The following PGF variants were observed in gnomAD, a reference collection of about 807,000 sequenced individuals.
The protein encoded by PGF is placenta growth factor.
In PGF, 11 loss-of-function variants were observed where a neutral mutation model predicts 25.3. That is an observed-to-expected ratio of 0.43 (90% CI 0.27 to 0.72). The LOEUF is 0.72. Ranked by LOEUF, PGF falls within the 30% of genes least tolerant of loss-of-function variation. The pLI, the probability that PGF is intolerant of heterozygous loss-of-function variation, is 0.18. For synonymous variants in PGF, 105 were observed against 97.9 expected, an observed-to-expected ratio of 1.07 and a Z score of -0.43; for missense variants, 230 against 234.9, an observed-to-expected ratio of 0.98 and a Z score of 0.14.
chr14:74,955,744 G>GCC (rs1888978882), upstream of PGF: 1 of 152,012 alleles, frequency 6.6e-6, no homozygotes, highest in South Asian at 2.0e-4. The surrounding 1 kb of genome is among the most constrained non-coding windows in gnomAD (Gnocchi z 4.1). Context: ...CGCAGCGCCG[G>GCC]AGCCCGCAGT....
At position 74,942,635 on chromosome 14, in the gene PGF, G is replaced by C; in HGVS notation, c.*71C>G. On this transcript the variant is annotated 3_prime_UTR_variant, in exon 7 of 7. Transcript: ENST00000555567. ...ATAAATAGAGGGCAGGTACCAGCAG[G>C]AGTCACTGAAGAGTGTGACGGTAAT... is the stretch of plus-strand genomic sequence containing the variant. 2.9e-6 allele frequency: 4 copies of C among 1,397,368 alleles called. No homozygotes were observed. Among genetic ancestry groups the C allele is most frequent in the Non-Finnish European group, 4.0e-6 (4 of 991,804 alleles). 86.6% of individuals were successfully genotyped at this position (1,397,368 alleles called of 1,614,324 possible).
chr14:74,949,822 C>T (rs1888832819), intron 2 of PGF, among the ~76,000 whole-genome samples: 1 of 152,204 alleles, frequency 6.6e-6, no homozygotes, highest in African/African-American at 2.4e-5. Flanking sequence ...GCCTTGGCTC[C>T]CTGGAGCTTT....
rs781687506 is a variant in PGF at position 74,948,606 on chromosome 14, C to T, written c.316-23G>A. 4 of 1,555,356 alleles carry T rather than the reference C, an allele frequency of 2.6e-6. No homozygotes were observed. In the East Asian group the frequency reaches 9.2e-5, roughly 36 times the overall value. On this transcript the variant is annotated intron_variant, in intron 3 of 6. Coordinates refer to ENST00000555567, the MANE Select transcript of PGF (RefSeq NM_002632.6). The stretch of plus-strand genomic sequence containing the variant: ...GAGCTGAAGGAAGAAAGAGTTGATG[C>T]CTGGATTGGGGAGTGGCCCACGAGT...
rs758970780 is a variant in PGF, at chr14:74,943,711, A to G, written c.486-978T>C. On this transcript the variant is annotated intron_variant, in intron 6 of 6. Transcript: ENST00000555567. Reference sequence around the variant, plus strand: ...ATTCATTCACTAATTGAAACGAGGTAGCCACATCCATCTCATTGAGATGCA... The same window carrying G: ...ATTCATTCACTAATTGAAACGAGGTGGCCACATCCATCTCATTGAGATGCA... Among the ~76,000 whole-genome samples, 19 of 152,396 alleles carry G rather than the reference A, an allele frequency of 1.2e-4. 1 individual carries two copies. The highest frequency in any genetic ancestry group is 6.5e-4 in the Admixed American group (10 of 15,306).
intron 6 of PGF, among the ~76,000 whole-genome samples, chr14:74,943,356 G>A (rs549733237): frequency 6.6e-6 from 1 of 152,288 alleles, no homozygotes; most frequent in South Asian, 2.1e-4. Context: ...ATGAAAAAAA[G>A]AACAATTTGA....
chr14:74,948,417 C>A lies in PGF; in HGVS notation c.392+90G>T, dbSNP rs1888791074. On this transcript the variant is annotated intron_variant, in intron 4 of 6. Coordinates refer to ENST00000555567, the MANE Select transcript of PGF (RefSeq NM_002632.6). ...TTCAGCCCGCAGCGGGGATGGGCAG[C>A]CTTTGCCTCTGCCCTGGGACCCATC... The A allele has an allele frequency of 4.1e-6, 3 of 724,826 alleles. No homozygotes were observed. In the East Asian group the frequency reaches 8.6e-5, roughly 21 times the overall value. 44.9% of individuals were successfully genotyped at this position (724,826 alleles called of 1,614,324 possible).
chr14:74,948,408 G>A (rs1888790824), intron 4 of PGF, 99 bp downstream of exon 4: 1 of 658,186 alleles, frequency 1.5e-6, no homozygotes, highest in African/African-American at 1.8e-5. Flanking sequence ...CCGCAGCGGG[G>A]ATGGGCAGCC....
rs2140403038 is a variant in PGF at position 74,946,228 on chromosome 14, G to C, written c.470C>G (p.Pro157Arg). Reference sequence around the variant, plus strand: ...GCACACTCACAGGTGGCAGTCTGTGGGTCTCTGCTTCTCTCTCCTCCTCTT... The same window carrying C: ...GCACACTCACAGGTGGCAGTCTGTGCGTCTCTGCTTCTCTCTCCTCCTCTT... ...RGKRRREKQR[P>R]TDCHLCGDAV... The change falls in exon 6 of 7, where the codon CCC becomes CGC. Residue 157 changes from proline to arginine, a missense_variant. Transcript: ENST00000555567. 1 of 1,614,006 alleles carries C rather than the reference G, an allele frequency of 6.2e-7. No homozygotes were observed. The highest frequency in any genetic ancestry group is 8.5e-7 in the Non-Finnish European group (1 of 1,179,934).
intron 1 of PGF, 97 bp from the exon 2 acceptor site, chr14:74,954,043 T>A: frequency 8.5e-7 from 1 of 1,174,076 alleles, no homozygotes; most frequent in Non-Finnish European, 1.3e-6. Flanking sequence ...CCCCTCTGGG[T>A]TCCTTCCCAC....
rs992686230 is a variant in PGF at position 74,942,043 on chromosome 14, C to T, written c.*663G>A. 1 of 152,730 alleles carries T rather than the reference C, an allele frequency of 6.5e-6. No individual in the cohort carries two copies. Among genetic ancestry groups the T allele is most frequent in the African/African-American group, 2.4e-5 (1 of 41,454 alleles). The allele number at this position is 152,730 out of a possible 1,614,324, so 9.5% of individuals were successfully genotyped here. ...GCAGCTCTTTCTCCAGCCCGGGGCCCACTCTGTATGTGTCTCTTAGGGGGG... is the reference window on the plus strand; with the variant it reads ...GCAGCTCTTTCTCCAGCCCGGGGCCTACTCTGTATGTGTCTCTTAGGGGGG... On this transcript the variant is annotated 3_prime_UTR_variant, in exon 7 of 7. Transcript: ENST00000555567.
At chr14:74,947,280 T>C (rs1194034953) in intron 4 of PGF, 1 of 215,134 alleles carries the variant, frequency 4.6e-6, no homozygotes, top group African/African-American at 2.3e-5. Context: ...CCACCCAGCA[T>C]TGCACCCAGG....
chr14:74,946,105 G>T, intron 6 of PGF, 108 bp downstream of exon 6: 1 of 926,700 alleles, frequency 1.1e-6, no homozygotes, highest in Non-Finnish European at 1.7e-6. Flanking sequence ...CTGCCCCCAA[G>T]ACTGGCCTCA....
At chr14:74,954,239 T>G (rs553177129) in intron 1 of PGF, 26 of 446,504 alleles carry the variant, frequency 5.8e-5, no homozygotes, top group Non-Finnish European at 2.9e-5. Context: ...ATCCTGCGGG[T>G]CTGCCTTCTA....
chr14:74,954,623 C>T (rs1024144998), intron 1 of PGF, among the ~76,000 whole-genome samples: 2 of 152,116 alleles, frequency 1.3e-5, no homozygotes, highest in Non-Finnish European at 2.9e-5. Flanking sequence ...CCAGGCCCTG[C>T]ACTCAGGACC....
chr14:74,952,675 G>T (rs1201073874), intron 2 of PGF, among the ~76,000 whole-genome samples: 1 of 152,172 alleles, frequency 6.6e-6, no homozygotes, highest in Non-Finnish European at 1.5e-5. Context: ...ACTTCTCCCG[G>T]TCAGATTGCA....
At chr14:74,945,083 A>G (rs1347313463) in intron 6 of PGF, 2 of 151,954 alleles carry the variant, frequency 1.3e-5, no homozygotes, top group African/African-American at 2.4e-5. Context: ...CAACACGCCC[A>G]GCTAATTTTG....
Position 74,953,816 on chromosome 14 carries a change from G to A in PGF, c.118+88C>T. The A allele has an allele frequency of 1.1e-5, 14 of 1,325,750 alleles. No homozygotes were observed. Among genetic ancestry groups the A allele is most frequent in the Non-Finnish European group, 1.5e-5 (14 of 916,984 alleles). The allele number at this position is 1,325,750 out of a possible 1,614,324, so 82.1% of individuals were successfully genotyped here. On this transcript the variant is annotated intron_variant, in intron 2 of 6. Coordinates refer to ENST00000555567, the MANE Select transcript of PGF (RefSeq NM_002632.6). The surrounding 1 kb of genome is among the most constrained non-coding windows in gnomAD (Gnocchi z 5.4). ...GGCTCTCCCCAGCTTTTATCAACCTGCACCCACGCTTCATGCCACACCTGG... is the reference window on the plus strand; with the variant it reads ...GGCTCTCCCCAGCTTTTATCAACCTACACCCACGCTTCATGCCACACCTGG...
intron 2 of PGF, among the ~76,000 whole-genome samples, chr14:74,951,301 G>C (rs1487746498): frequency 1.3e-5 from 2 of 152,164 alleles, no homozygotes; most frequent in Non-Finnish European, 2.9e-5. Context: ...AACCCAGTGG[G>C]AAACAAGGCC....
chr14:74,955,301 G>A lies in PGF; in HGVS notation c.-59C>T. 4.5e-6 allele frequency: 5 copies of A among 1,111,322 alleles called. No homozygotes were observed. The highest frequency in any genetic ancestry group is 2.4e-6 in the Non-Finnish European group (2 of 820,282). The allele number at this position is 1,111,322 out of a possible 1,614,324, so 68.8% of individuals were successfully genotyped here. On this transcript the variant is annotated 5_prime_UTR_variant, in exon 1 of 7. Transcript: ENST00000555567. The surrounding 1 kb of genome is among the most constrained non-coding windows in gnomAD (Gnocchi z 4.1). ...GGAAAACCACCATGCTCATCCCCCGGGGAGCCCCTGGCACAGGAGGAGAAG... is the reference window on the plus strand; with the variant it reads ...GGAAAACCACCATGCTCATCCCCCGAGGAGCCCCTGGCACAGGAGGAGAAG...
Sources: gnomAD v4.1 joint callset for allele counts (sites outside exome capture counted in the v4.1 genomes callset) on GRCh38, gnomAD v4.1.1 for gene constraint, Gnocchi (gnomAD v3.1) non-coding constraint, MANE v1.5 for transcripts, NCBI Gene and HGNC (gene_info 2026-07-23, HGNC 2026-07-21) for gene names.